CFH: variants seen among roughly 807,000 people sequenced by gnomAD.
The protein encoded by CFH is complement factor H.
Under a neutral mutation model 147.3 loss-of-function variants are expected in CFH, and 53 were observed. The ratio of observed to expected loss-of-function variants is 0.36; its 90% CI spans 0.29 to 0.45. CFH has a LOEUF of 0.45. Among genes scored for constraint, CFH ranks in the 20% least tolerant of loss-of-function variants. The pLI is 1.00. For missense variants in CFH, 1,380 were observed against 1,498.0 expected (o/e 0.92, Z 1.30); for synonymous variants, 536 against 489.4 (o/e 1.10, Z -1.26).
intron 11 of CFH, 46 bp downstream of exon 11, chr1:196,715,815 T>C (rs753329395): frequency 2.0e-6 from 3 of 1,531,640 alleles, no homozygotes; most frequent in East Asian, 2.3e-5. Context: ...TGAAAATAAA[T>C]CTGTTTTCCA....
At chr1:196,707,963 C>A (rs892534030) in intron 9 of CFH, among the ~76,000 whole-genome samples, 6 of 152,244 alleles carry the variant, frequency 3.9e-5, no homozygotes, top group Non-Finnish European at 8.8e-5. Flanking sequence ...ACAATTGCTA[C>A]CCTTATAGAC....
Position 196,725,309 on chromosome 1 carries a change from T to C in CFH, c.1873+12T>C. 6.2e-7 allele frequency: 1 copy of C among 1,612,522 alleles called. No individual in the cohort carries two copies. The highest frequency in any genetic ancestry group is 8.5e-7 in the Non-Finnish European group (1 of 1,178,746). ...CCCAATATGTAAAGGTGAATGCTTA[T>C]CTTACAATTGCTGAAATAAGAATTA... On this transcript the variant is annotated intron_variant, in intron 12 of 21. Coordinates refer to ENST00000367429, the MANE Select transcript of CFH (RefSeq NM_000186.4).
chr1:196,740,965 C>G, intron 18 of CFH, 173 bp downstream of exon 18: 1 of 664,372 alleles, frequency 1.5e-6, no homozygotes, highest in Non-Finnish European at 2.6e-6. Context: ...ACATTATAAG[C>G]CAAATTAGTT....
Position 196,728,223 on chromosome 1 carries a change from A to T in CFH, c.2237-123A>T, listed in dbSNP as rs563817440. 267 of 728,142 alleles carry T rather than the reference A, an allele frequency of 3.7e-4. 1 individual carries two copies. Among genetic ancestry groups the T allele is most frequent in the Middle Eastern group, 2.2e-3 (5 of 2,256 alleles). The allele number at this position is 728,142 out of a possible 1,614,324, so 45.1% of individuals were successfully genotyped here. A position where few individuals can be genotyped will look rare whatever the true frequency, so the allele number is the denominator to read the frequency against. On this transcript the variant is annotated intron_variant, in intron 14 of 21. Transcript: ENST00000367429. Reference sequence around the variant, plus strand: ...TGATCAGGAATAACTTGGTTGGTGAAATTTATAATGATTAAGTCATAATTT... The same window carrying T: ...TGATCAGGAATAACTTGGTTGGTGATATTTATAATGATTAAGTCATAATTT...
chr1:196,685,597 A>G (rs923503441), intron 7 of CFH, among the ~76,000 whole-genome samples: 2 of 152,110 alleles, frequency 1.3e-5, no homozygotes, highest in African/African-American at 4.8e-5. Context: ...ATTATCTTAC[A>G]GTTTCTATCG....
At chr1:196,671,587 T>TAC (rs551313147) in intron 1 of CFH, among the ~76,000 whole-genome samples, 17,070 of 129,384 alleles carry the variant, frequency 0.13, 1,733 homozygotes, top group African/African-American at 0.3. Context: ...AAAAGACTAA[T>TAC]ACACACACAC....
chr1:196,697,161 T>C (rs1668301468), intron 9 of CFH, among the ~76,000 whole-genome samples: 1 of 152,178 alleles, frequency 6.6e-6, no homozygotes, highest in African/African-American at 2.4e-5. Flanking sequence ...AAATGGGATC[T>C]AATTAAACTA....
chr1:196,652,408 T>C lies in CFH; in HGVS notation c.58+233T>C, dbSNP rs145533255. Among the ~76,000 whole-genome samples, 398 of 152,010 alleles carry C rather than the reference T, an allele frequency of 2.6e-3. 2 individuals are homozygous for C. Among genetic ancestry groups the C allele is most frequent in the East Asian group, 0.013 (69 of 5,184 alleles). On this transcript the variant is annotated intron_variant, in intron 1 of 21. Transcript: ENST00000367429. ...TAATATAAAATAGAATAAAATGTTT[T>C]AATAAACATTTCTGAAAAACTATGA...
At chr1:196,683,547 G>C (rs769371352) in intron 6 of CFH, among the ~76,000 whole-genome samples, 2 of 151,736 alleles carry the variant, frequency 1.3e-5, no homozygotes, top group African/African-American at 2.4e-5. Context: ...TTGAACAAAG[G>C]GTTGAGTGAA....
chr1:196,709,251 A>C (rs1394546915), intron 9 of CFH, among the ~76,000 whole-genome samples: 1 of 152,002 alleles, frequency 6.6e-6, no homozygotes. Flanking sequence ...TTTTTCAAGG[A>C]CTCTTGAAGT....
intron 17 of CFH, among the ~76,000 whole-genome samples, chr1:196,738,962 C>T (rs570919736): frequency 6.6e-5 from 10 of 152,346 alleles, no homozygotes; most frequent in African/African-American, 2.4e-4. Flanking sequence ...GTTGTAGGTT[C>T]CCAAACCTCA....
intron 9 of CFH, among the ~76,000 whole-genome samples, chr1:196,708,978 C>T (rs1668660237): frequency 6.6e-6 from 1 of 152,128 alleles, no homozygotes; most frequent in African/African-American, 2.4e-5. Context: ...AACATTGAGG[C>T]TGAGAAAACT....
chr1:196,740,767 A>T lies in CFH; in HGVS notation c.2931A>T (p.Lys977Asn). 6.2e-7 allele frequency: 1 copy of T among 1,614,036 alleles called. No homozygotes were observed. Among genetic ancestry groups the T allele is most frequent in the Non-Finnish European group, 8.5e-7 (1 of 1,179,950 alleles). Residue 977 changes from lysine (K) to asparagine (N), a missense_variant, in exon 18 of 22, where the codon AAA becomes AAT. By Grantham distance (94) the Lys-to-Asn change is moderately conservative. Coordinates refer to ENST00000367429, the MANE Select transcript of CFH (RefSeq NM_000186.4). ...GPAIAKCLGE[K>N]WSHPPSCIKT... ...CAATTGCAAAATGCTTAGGAGAAAA[A>T]TGGTCTCACCCTCCATCATGCATAA...
Position 196,660,188 on chromosome 1 carries a change from C to T in CFH, c.58+8013C>T, listed in dbSNP as rs1214326389. On this transcript the variant is annotated intron_variant, in intron 1 of 21. Transcript: ENST00000367429. ...ACAAAGCCAGTCATCAGAAATCTGT[C>T]GTAAAATTATTCTAAGAGGAGGAAA... 3.3e-5 allele frequency among the ~76,000 whole-genome samples: 5 copies of T among 151,906 alleles called. No homozygotes were observed. In the South Asian group the frequency reaches 6.2e-4, roughly 19 times the overall value.
intron 9 of CFH, among the ~76,000 whole-genome samples, chr1:196,692,881 C>A (rs61819916): frequency 0.12 from 6,982 of 57,146 alleles, 797 homozygotes; most frequent in African/African-American, 0.15. Flanking sequence ...TCTGTCACCT[C>A]CCTCCCTCCC....
At chr1:196,701,477 A>C in intron 9 of CFH, 15 of 1,240,962 alleles carry the variant, frequency 1.2e-5, no homozygotes, top group Non-Finnish European at 1.7e-5. Flanking sequence ...GTATTATTCC[A>C]GCCAGAATGG....
chr1:196,670,081 C>G (rs1473680741), intron 1 of CFH, among the ~76,000 whole-genome samples: 1 of 152,132 alleles, frequency 6.6e-6, no homozygotes, highest in South Asian at 2.1e-4. Flanking sequence ...TTTCATGGAG[C>G]CTTTGGTCCC....
At chr1:196,713,633 G>T (rs748766950) in intron 9 of CFH, 102 bp from the exon 10 acceptor site, 31 of 804,624 alleles carry the variant, frequency 3.9e-5, no homozygotes, top group Non-Finnish European at 5.2e-5. Flanking sequence ...CAGGTTTTCA[G>T]TTACAAATGA....
At chr1:196,739,987 A>G (rs551093220) in intron 17 of CFH, among the ~76,000 whole-genome samples, 3 of 152,208 alleles carry the variant, frequency 2.0e-5, no homozygotes, top group South Asian at 4.1e-4. Flanking sequence ...CCTTCTTCAC[A>G]TGATGACAGG....
Sources: allele counts gnomAD v4.1 joint callset (sites outside exome capture counted in the v4.1 genomes callset), GRCh38; gene constraint gnomAD v4.1.1; transcripts MANE v1.5; gene names NCBI Gene and HGNC (gene_info 2026-07-23, HGNC 2026-07-21).